Variants in TRIP12 observed in about 807,000 individuals in gnomAD.
TRIP12 encodes E3 ubiquitin-protein ligase TRIP12.
Under a neutral mutation model 244.2 loss-of-function variants are expected in TRIP12, and 25 were observed. That is an observed-to-expected ratio of 0.10 (90% CI 0.07 to 0.14). TRIP12 has a LOEUF of 0.14. Among genes scored for constraint, TRIP12 ranks in the 10% least tolerant of loss-of-function variants. The probability of loss-of-function intolerance (pLI) is 1.00; values close to 1 mark genes in which losing one functional copy is unlikely to be tolerated. For missense variants in TRIP12, 1,677 were observed against 2,486.4 expected (o/e 0.67, Z 6.92); for synonymous variants, 905 against 873.1 (o/e 1.04, Z -0.64).
At position 229,852,012 on chromosome 2, in the gene TRIP12, G is replaced by C. The variant is rs569149204; in HGVS notation, c.1027+6760C>G. On this transcript the variant is annotated intron_variant, in intron 4 of 41. Transcript: ENST00000675903. Reference sequence around the variant, plus strand: ...TCTTATTTCCTCCCTCCGTGCTAGGGGCCCAAAGCACTAAGTCTTCCTAAT... The same window carrying C: ...TCTTATTTCCTCCCTCCGTGCTAGGCGCCCAAAGCACTAAGTCTTCCTAAT... Among the ~76,000 whole-genome samples the C allele has an allele frequency of 4.6e-5, 7 of 152,200 alleles. No homozygotes were observed. In the South Asian group the frequency reaches 1.2e-3, roughly 27 times the overall value.
rs1357362594 is a variant in TRIP12, at chr2:229,860,541, G to GA, written c.99-11dup. 2 of 1,579,788 alleles carry GA rather than the reference G, an allele frequency of 1.3e-6. No individual in the cohort carries two copies. The highest frequency in any genetic ancestry group is 4.5e-5 in the East Asian group (2 of 44,210). ...CTGCCCTAAATGTGACCTGTCAGCA[G>GA]AAAATCAAAACAGAAATCTATCAGG... On this transcript the variant is annotated splice_polypyrimidine_tract_variant and intron_variant, in intron 2 of 41. Transcript: ENST00000675903.
At chr2:229,788,973 T>G in intron 31 of TRIP12, 33 bp from the exon 32 acceptor site, 1 of 1,545,182 alleles carries the variant, frequency 6.5e-7, no homozygotes, top group Non-Finnish European at 8.8e-7. Context: ...AAAGTCTACA[T>G]GTAGTAAAAT....
At chr2:229,888,557 A>C (rs1333633612) in intron 1 of TRIP12, among the ~76,000 whole-genome samples, 1 of 152,206 alleles carries the variant, frequency 6.6e-6, no homozygotes, top group Non-Finnish European at 1.5e-5. Context: ...ACAGATAGGC[A>C]GAGTTCAAAA....
intron 1 of TRIP12, among the ~76,000 whole-genome samples, chr2:229,903,907 C>T (rs1293231639): frequency 4.0e-5 from 6 of 150,688 alleles, no homozygotes; most frequent in African/African-American, 9.8e-5. Context: ...TCGTGATGCA[C>T]GCCTATAGTC....
In TRIP12 at chr2:229,807,729, C is replaced by T. The variant is rs921490949; in HGVS notation, c.2475G>A (p.Arg825=). The part of the protein sequence containing the change: ...DDRGLWHPYN[R]IDSRIIEAAH... ...CTACCTCAATGATCCGGCTGTCAAT[C>T]CTGTTATATGGATGCCAGAGGCCCC... Residue 825 remains arginine, a synonymous_variant, in exon 17 of 42, where the codon AGG becomes AGA. Coordinates refer to ENST00000675903, the MANE Select transcript of TRIP12 (RefSeq NM_001348323.3). The T allele has an allele frequency of 1.2e-6, 2 of 1,614,174 alleles. No individual in the cohort carries two copies. The highest frequency in any genetic ancestry group is 1.7e-6 in the Non-Finnish European group (2 of 1,180,040).
In TRIP12 at chr2:229,776,915, T is replaced by C. The variant is rs534669960; in HGVS notation, c.5529+400A>G. Among the ~76,000 whole-genome samples the C allele has an allele frequency of 1.2e-4, 19 of 152,308 alleles. No homozygotes were observed. In the South Asian group the frequency reaches 3.9e-3, roughly 32 times the overall value. The stretch of plus-strand genomic sequence containing the variant: ...CACTCATGGTGACCTTTAAAAAATA[T>C]CTTCCTGAGATCTCTAGAAACAAGA... On this transcript the variant is annotated intron_variant, in intron 37 of 41. Transcript: ENST00000675903.
At chr2:229,864,075 T>TGTGC (rs2061055613) in intron 2 of TRIP12, among the ~76,000 whole-genome samples, 2 of 146,002 alleles carry the variant, frequency 1.4e-5, no homozygotes, top group Non-Finnish European at 3.0e-5. Context: ...TGTGTGTGTG[T>TGTGC]GTGCACGCGC....
At chr2:229,860,946 T>G (rs77256712) in intron 2 of TRIP12, among the ~76,000 whole-genome samples, 1 of 152,178 alleles carries the variant, frequency 6.6e-6, no homozygotes, top group Admixed American at 6.5e-5. Flanking sequence ...GAAAAGACAA[T>G]TGATGATTCC....
Position 229,836,962 on chromosome 2 carries a change from T to C in TRIP12, c.1156A>G (p.Lys386Glu), listed in dbSNP as rs1356058645. The C allele has an allele frequency of 3.2e-6, 5 of 1,583,930 alleles. No individual in the cohort carries two copies. The highest frequency in any genetic ancestry group is 1.9e-5 in the Admixed American group (1 of 52,992). The change falls in exon 6 of 42, where the codon AAA becomes GAA. Residue 386 changes from lysine (K) to glutamate (E), a missense_variant. By Grantham distance (56) the Lys-to-Glu change is moderately conservative. Coordinates refer to ENST00000675903, the MANE Select transcript of TRIP12 (RefSeq NM_001348323.3). ...CGACGAGCTTCAGCTGCTCCTCTTT[T>C]GCCCAGGCCAGAGCCTCGCCGACTA... ...STSRRGSGLG[K>E]RGAAEARRQE...
intron 8 of TRIP12, among the ~76,000 whole-genome samples, chr2:229,823,101 G>C (rs576489865): frequency 6.6e-6 from 1 of 152,132 alleles, no homozygotes; most frequent in Non-Finnish European, 1.5e-5. Context: ...AAATGTGTAT[G>C]ATCCTGATAC....
intron 36 of TRIP12, among the ~76,000 whole-genome samples, 194 bp from the exon 37 acceptor site, chr2:229,777,673 C>T (rs2036706932): frequency 6.6e-6 from 1 of 152,132 alleles, no homozygotes; most frequent in Admixed American, 6.6e-5. Flanking sequence ...AATGCATTTC[C>T]ACTGTAGTCT....
intron 1 of TRIP12, among the ~76,000 whole-genome samples, chr2:229,912,465 T>C (rs1381325706): frequency 2.0e-5 from 3 of 152,206 alleles, no homozygotes; most frequent in East Asian, 3.8e-4. Context: ...AATTTCCTGT[T>C]ATTTCATATA....
In TRIP12 at chr2:229,858,911, A is replaced by G. The variant is rs1326715939; in HGVS notation, c.888T>C (p.Thr296=). 3.1e-6 allele frequency: 5 copies of G among 1,614,084 alleles called. No individual in the cohort carries two copies. The highest frequency in any genetic ancestry group is 2.2e-5 in the East Asian group (1 of 44,890). The change falls in exon 4 of 42, where the codon ACT becomes ACC. Residue 296 remains threonine (T), a synonymous_variant. Transcript: ENST00000675903. ...RSSREKEQSK[T]GGSSKFDWAA... ...CCCAATCAAATTTTGAAGAGCCACCAGTTTTACTCTGTTCCTTTTCCCTGC... is the reference window on the plus strand; with the variant it reads ...CCCAATCAAATTTTGAAGAGCCACCGGTTTTACTCTGTTCCTTTTCCCTGC...
intron 1 of TRIP12, among the ~76,000 whole-genome samples, chr2:229,904,914 G>A (rs2072247527): frequency 6.6e-6 from 1 of 152,154 alleles, no homozygotes; most frequent in Admixed American, 6.5e-5. Context: ...AACAGAAACT[G>A]GATGTGGAGT....
Position 229,765,881 on chromosome 2 carries a change from C to T in TRIP12, c.*1673G>A, listed in dbSNP as rs753907397. 1.3e-5 allele frequency: 2 copies of T among 152,132 alleles called. No homozygotes were observed. The highest frequency in any genetic ancestry group is 6.5e-5 in the Admixed American group (1 of 15,276). 9.4% of individuals were successfully genotyped at this position (152,132 alleles called of 1,614,324 possible). A position where few individuals can be genotyped will look rare whatever the true frequency, so the allele number is the denominator to read the frequency against. ...GCAGAGACAGGGAGAGAATTCTCTG[C>T]CCCCAACTCCTCTGACAGTTCCCTT... On this transcript the variant is annotated 3_prime_UTR_variant, in exon 42 of 42. Coordinates refer to ENST00000675903, the MANE Select transcript of TRIP12 (RefSeq NM_001348323.3).
chr2:229,786,704 A>G (rs1026325350), intron 33 of TRIP12, among the ~76,000 whole-genome samples: 4 of 150,380 alleles, frequency 2.7e-5, no homozygotes, highest in African/African-American at 4.9e-5. Flanking sequence ...GGCAGGAGCC[A>G]CCACACACCG....
intron 18 of TRIP12, 94 bp downstream of exon 18, chr2:229,805,636 T>C: frequency 7.9e-7 from 1 of 1,258,824 alleles, no homozygotes; most frequent in Non-Finnish European, 1.0e-6. Flanking sequence ...GTCTTAAGCT[T>C]AAAAAGATAC....
At chr2:229,803,974 G>C (rs985505253) in intron 19 of TRIP12, 25 bp downstream of exon 19, 1 of 1,563,796 alleles carries the variant, frequency 6.4e-7, no homozygotes, top group Non-Finnish European at 8.7e-7. Flanking sequence ...TTTGTAAAAT[G>C]TTTCTACTAT....
At chr2:229,864,077 T>TGTGC (rs887815926) in intron 2 of TRIP12, among the ~76,000 whole-genome samples, 10 of 140,642 alleles carry the variant, frequency 7.1e-5, no homozygotes, top group South Asian at 2.3e-4. Context: ...TGTGTGTGTG[T>TGTGC]GCACGCGCAC....
Sources: gnomAD v4.1 joint callset for allele counts (sites outside exome capture counted in the v4.1 genomes callset) on GRCh38, gnomAD v4.1.1 for gene constraint, MANE v1.5 for transcripts, NCBI Gene and HGNC (gene_info 2026-07-23, HGNC 2026-07-21) for gene names.